Variants in ITGBL1 observed in about 807,000 individuals in gnomAD.
ITGBL1 encodes integrin beta-like protein 1.
A neutral mutation model predicts 68.5 loss-of-function variants in ITGBL1; 51 were observed. That is an observed-to-expected ratio of 0.74 (90% CI 0.59 to 0.94). ITGBL1 has a LOEUF of 0.94. ITGBL1 is among the 40% of genes least tolerant of loss of function. The pLI, the probability that ITGBL1 is intolerant of heterozygous loss-of-function variation, is 0.00. For synonymous variants in ITGBL1, 209 were observed against 227.3 expected (o/e 0.92, Z 0.72); for missense variants, 649 against 647.4 (o/e 1.00, Z -0.03).
At chr13:101,699,424 C>T (rs374303346) in intron 8 of ITGBL1, among the ~76,000 whole-genome samples, 2 of 152,164 alleles carry the variant, frequency 1.3e-5, no homozygotes, top group Non-Finnish European at 2.9e-5. Flanking sequence ...TTTCTATAAT[C>T]CCCAAGTGTC....
chr13:101,661,904 T>C (rs2033099285), intron 7 of ITGBL1, among the ~76,000 whole-genome samples: 1 of 152,202 alleles, frequency 6.6e-6, no homozygotes, highest in Non-Finnish European at 1.5e-5. Context: ...ATGCAGTGAC[T>C]CATTACATAA....
At chr13:101,545,898 C>G (rs2049813492) in intron 2 of ITGBL1, among the ~76,000 whole-genome samples, 1 of 152,088 alleles carries the variant, frequency 6.6e-6, no homozygotes, top group African/African-American at 2.4e-5. Context: ...AATTACATTC[C>G]TAGTATGACA....
At chr13:101,517,023 C>T (rs1297630399) in intron 2 of ITGBL1, among the ~76,000 whole-genome samples, 1 of 152,168 alleles carries the variant, frequency 6.6e-6, no homozygotes, top group Non-Finnish European at 1.5e-5. Flanking sequence ...TATTCTTGCA[C>T]TCAAGGTGAC....
intron 2 of ITGBL1, among the ~76,000 whole-genome samples, chr13:101,494,937 G>A (rs1032870782): frequency 6.6e-6 from 1 of 152,234 alleles, no homozygotes. Context: ...GATTACAGTG[G>A]TATGATATCC....
At chr13:101,720,846 ACTCAAACGTTCTG>A (rs1300169570), downstream of ITGBL1, 1 of 152,144 alleles carries the variant, frequency 6.6e-6, no homozygotes, top group Non-Finnish European at 1.5e-5. Context: ...CAATAAATCT[ACTCAAACGTTCTG>A]CTAACTTTTT....
chr13:101,690,443 G>C (rs987303192), intron 7 of ITGBL1, among the ~76,000 whole-genome samples: 1 of 152,096 alleles, frequency 6.6e-6, no homozygotes, highest in Admixed American at 6.5e-5. Context: ...CGTAGAAACT[G>C]GTTCTATGTA....
chr13:101,459,195 T>C (rs1184415410), intron 2 of ITGBL1, among the ~76,000 whole-genome samples: 1 of 152,152 alleles, frequency 6.6e-6, no homozygotes, highest in Non-Finnish European at 1.5e-5. Flanking sequence ...GAGATTCTGA[T>C]TTCATTGGCC....
chr13:101,522,732 G>A (rs1443184538), intron 2 of ITGBL1, among the ~76,000 whole-genome samples: 1 of 152,182 alleles, frequency 6.6e-6, no homozygotes, highest in Non-Finnish European at 1.5e-5. Flanking sequence ...CCAGGAACAA[G>A]TCAGGGCTCT....
intron 7 of ITGBL1, among the ~76,000 whole-genome samples, chr13:101,660,481 C>T (rs2139477167): frequency 6.6e-6 from 1 of 152,288 alleles, no homozygotes; most frequent in African/African-American, 2.4e-5. Flanking sequence ...GCAATGATAT[C>T]TGCAGGAGAA....
chr13:101,652,749 C>T (rs1391597587), intron 7 of ITGBL1, among the ~76,000 whole-genome samples: 2 of 152,042 alleles, frequency 1.3e-5, no homozygotes, highest in East Asian at 1.9e-4. Flanking sequence ...CCAAAATGCA[C>T]GAGAAGGAAA....
intron 7 of ITGBL1, among the ~76,000 whole-genome samples, chr13:101,629,148 C>T (rs2031893829): frequency 6.6e-6 from 1 of 151,798 alleles, no homozygotes; most frequent in Admixed American, 6.6e-5. Context: ...CTTGATAAAT[C>T]TTTGACAACC....
At chr13:101,616,968 T>G (rs1181680448) in intron 7 of ITGBL1, among the ~76,000 whole-genome samples, 1 of 152,192 alleles carries the variant, frequency 6.6e-6, no homozygotes, top group Admixed American at 6.5e-5. Context: ...ACAAATATAT[T>G]GTGTTTACCT....
At chr13:101,686,827 A>G (rs1245389844) in intron 7 of ITGBL1, among the ~76,000 whole-genome samples, 1 of 152,148 alleles carries the variant, frequency 6.6e-6, no homozygotes, top group Non-Finnish European at 1.5e-5. Context: ...AGTTTTACAT[A>G]TAAAATATTC....
At chr13:101,614,052 A>G (rs2031248727) in intron 7 of ITGBL1, among the ~76,000 whole-genome samples, 1 of 114,796 alleles carries the variant, frequency 8.7e-6, no homozygotes. Flanking sequence ...AGTCAGGGAC[A>G]AGAGGGGTGG....
At chr13:101,707,576 A>G (rs1215428486) in intron 9 of ITGBL1, among the ~76,000 whole-genome samples, 2 of 152,152 alleles carry the variant, frequency 1.3e-5, no homozygotes, top group Non-Finnish European at 2.9e-5. Context: ...ACCGTGGCCC[A>G]TGCCTGTAAT....
intron 2 of ITGBL1, among the ~76,000 whole-genome samples, chr13:101,489,533 A>G (rs2048746685): frequency 6.6e-6 from 1 of 152,116 alleles, no homozygotes; most frequent in African/African-American, 2.4e-5. Context: ...TTGGTATGTG[A>G]TTTGGAGAGA....
chr13:101,467,834 G>C (rs1566687501), intron 2 of ITGBL1, among the ~76,000 whole-genome samples: 1 of 151,820 alleles, frequency 6.6e-6, no homozygotes, highest in Non-Finnish European at 1.5e-5. Flanking sequence ...CTAGTTTCCT[G>C]TTCTGTTATT....
At chr13:101,689,942 A>G (rs1251982811) in intron 7 of ITGBL1, among the ~76,000 whole-genome samples, 2 of 152,240 alleles carry the variant, frequency 1.3e-5, no homozygotes, top group Non-Finnish European at 2.9e-5. Context: ...GCTACCAAAC[A>G]GTACGTCTTA....
At chr13:101,531,585 C>T (rs1036823207) in intron 2 of ITGBL1, among the ~76,000 whole-genome samples, 1 of 142,308 alleles carries the variant, frequency 7.0e-6, no homozygotes, top group African/African-American at 2.7e-5. Flanking sequence ...CACGCTACAC[C>T]CGATTACTTC....
Sources: allele counts gnomAD v4.1 joint callset (sites outside exome capture counted in the v4.1 genomes callset), GRCh38; gene constraint gnomAD v4.1.1; transcripts MANE v1.5; gene names NCBI Gene and HGNC (gene_info 2026-07-23, HGNC 2026-07-21).